PIEZO2: variants seen among roughly 807,000 people sequenced by gnomAD.
PIEZO2 encodes piezo type mechanosensitive ion channel component 2.
PIEZO2 carries 172 observed loss-of-function variants against 337.3 expected under a neutral mutation model. The observed-to-expected ratio is 0.51, with a 90% CI of 0.45 to 0.58. The LOEUF is 0.58. PIEZO2 is among the 20% of genes least tolerant of loss of function. PIEZO2 has a pLI of 0.00. For synonymous variants in PIEZO2, 1,251 were observed against 1,228.5 expected, an observed-to-expected ratio of 1.02 and a Z score of -0.38; for missense variants, 3,028 against 3,391.3, an observed-to-expected ratio of 0.89 and a Z score of 2.66.
intron 3 of PIEZO2, among the ~76,000 whole-genome samples, chr18:10,949,095 T>C (rs9952954): frequency 0.14 from 21,198 of 152,176 alleles, 2,486 homozygotes; most frequent in African/African-American, 0.31. Flanking sequence ...TGGTCATTTG[T>C]TGGTTAGTAG....
intron 30 of PIEZO2, among the ~76,000 whole-genome samples, chr18:10,744,963 C>T (rs2037364712): frequency 6.6e-6 from 1 of 152,224 alleles, no homozygotes; most frequent in Admixed American, 6.5e-5. Flanking sequence ...TCTGCAGAGC[C>T]CCCGCCTCCT....
chr18:11,082,874 A>G (rs559282481), intron 1 of PIEZO2, among the ~76,000 whole-genome samples: 12 of 152,184 alleles, frequency 7.9e-5, no homozygotes, highest in Admixed American at 5.2e-4. Context: ...CTCTCTCCAG[A>G]TTGTAATGAG....
intron 2 of PIEZO2, among the ~76,000 whole-genome samples, chr18:11,049,628 A>G (rs2037447249): frequency 6.6e-6 from 1 of 152,294 alleles, no homozygotes; most frequent in African/African-American, 2.4e-5. Flanking sequence ...GACGTGGTGG[A>G]AGGTAACTGA....
At chr18:10,761,767 G>A (rs951400041) in intron 23 of PIEZO2, among the ~76,000 whole-genome samples, 2 of 152,066 alleles carry the variant, frequency 1.3e-5, no homozygotes, top group Non-Finnish European at 2.9e-5. Context: ...AATCTAGAAG[G>A]TCCACAAAGA....
chr18:10,742,261 T>C (rs769708840), intron 32 of PIEZO2, among the ~76,000 whole-genome samples: 2 of 152,226 alleles, frequency 1.3e-5, no homozygotes, highest in Non-Finnish European at 2.9e-5. Flanking sequence ...ATGTATTTGT[T>C]AAAGCTATCT....
rs544653572 is a variant in PIEZO2 at position 10,894,305 on chromosome 18, A to AC, written c.329+16880dup. Among the ~76,000 whole-genome samples, 514 of 152,146 alleles carry AC rather than the reference A, an allele frequency of 3.4e-3. 3 individuals are homozygous for AC. The highest frequency in any genetic ancestry group is 0.012 in the African/African-American group (482 of 41,488). ...CCTCTGTACTAAAAATACAAAAAAA[A>AC]CAGCCAGGCGTGGTGGTGGACGCCT... On this transcript the variant is annotated intron_variant, in intron 4 of 55. Transcript: ENST00000674853. The surrounding 1 kb of genome is among the most constrained non-coding windows in gnomAD (Gnocchi z 4.1).
At chr18:10,983,175 C>A (rs975751590) in intron 2 of PIEZO2, among the ~76,000 whole-genome samples, 5 of 151,994 alleles carry the variant, frequency 3.3e-5, no homozygotes, top group Non-Finnish European at 7.4e-5. Flanking sequence ...GGAAAAAGGG[C>A]AGAAATGGTA....
intron 4 of PIEZO2, chr18:10,893,798 C>A (rs1438567976): frequency 6.6e-6 from 1 of 152,126 alleles, no homozygotes; most frequent in African/African-American, 2.4e-5. Flanking sequence ...TGAATTTCTG[C>A]TTTTAGCATT....
chr18:11,026,975 G>A lies in PIEZO2; in HGVS notation c.160+39152C>T, dbSNP rs144425913. 2.4e-3 allele frequency among the ~76,000 whole-genome samples: 368 copies of A among 152,272 alleles called. 1 individual carries two copies. The highest frequency in any genetic ancestry group is 8.5e-3 in the African/African-American group (353 of 41,544). ...TCACATCACTTGAACTAATGGGAGCGCTCGTCTCCAAGCTCTGCACAGCAC... is the reference window on the plus strand; with the variant it reads ...TCACATCACTTGAACTAATGGGAGCACTCGTCTCCAAGCTCTGCACAGCAC... On this transcript the variant is annotated intron_variant, in intron 2 of 55. Coordinates refer to ENST00000674853, the MANE Select transcript of PIEZO2 (RefSeq NM_001378183.1).
chr18:10,861,452 C>G lies in PIEZO2; in HGVS notation c.493-4241G>C, dbSNP rs1392402879. Among the ~76,000 whole-genome samples, 2 of 152,148 alleles carry G rather than the reference C, an allele frequency of 1.3e-5. No homozygotes were observed. Among genetic ancestry groups the G allele is most frequent in the South Asian group, 4.1e-4 (2 of 4,832 alleles). ...TAACAGGAAATCTTGTTATTTGCAACAACATGCATAAATCTAAAGAAGAAT... is the reference window on the plus strand; with the variant it reads ...TAACAGGAAATCTTGTTATTTGCAAGAACATGCATAAATCTAAAGAAGAAT... On this transcript the variant is annotated intron_variant, in intron 5 of 55. Transcript: ENST00000674853. This position sits in a 1 kb window ranked among gnomAD's most constrained non-coding sequence, Gnocchi z 4.3.
chr18:10,884,413 A>C (rs747881976), intron 4 of PIEZO2, among the ~76,000 whole-genome samples: 3 of 152,022 alleles, frequency 2.0e-5, no homozygotes, highest in Non-Finnish European at 4.4e-5. Flanking sequence ...TCCTCCTCCA[A>C]CCCTAGTTAT....
At chr18:10,836,177 C>T (rs1301781481) in intron 7 of PIEZO2, among the ~76,000 whole-genome samples, 1 of 152,086 alleles carries the variant, frequency 6.6e-6, no homozygotes, top group African/African-American at 2.4e-5. Context: ...CCCTTATCTC[C>T]TATTTAAGAG....
chr18:11,039,198 C>T (rs1218981689), intron 2 of PIEZO2, among the ~76,000 whole-genome samples: 5 of 152,250 alleles, frequency 3.3e-5, no homozygotes, highest in South Asian at 2.1e-4. Flanking sequence ...AAATCCCTCC[C>T]GCAATGCTGG....
At chr18:10,880,846 CATATATA>C (rs2042392097) in intron 4 of PIEZO2, among the ~76,000 whole-genome samples, 1 of 68,064 alleles carries the variant, frequency 1.5e-5, no homozygotes, top group Non-Finnish European at 2.8e-5. Context: ...TCCCACATAT[CATATATA>C]TATATATATA....
intron 39 of PIEZO2, 84 bp downstream of exon 39, chr18:10,714,680 C>A (rs765931124): frequency 6.9e-7 from 1 of 1,447,774 alleles, no homozygotes; most frequent in Middle Eastern, 1.8e-4. Flanking sequence ...GAACTTTCAC[C>A]TCACACATTC....
rs1598967518 is a variant in PIEZO2 at position 11,105,945 on chromosome 18, T to A, written c.65-39723A>T. On this transcript the variant is annotated intron_variant, in intron 1 of 55. Transcript: ENST00000674853. The surrounding 1 kb of genome is among the most constrained non-coding windows in gnomAD (Gnocchi z 4.3). Reference sequence around the variant, plus strand: ...TCATTCCAAGGGTTTCTCTGTTTATTTGAAATGTTCAGCTTTCACTTTTTG... The same window carrying A: ...TCATTCCAAGGGTTTCTCTGTTTATATGAAATGTTCAGCTTTCACTTTTTG... Among the ~76,000 whole-genome samples the A allele has an allele frequency of 6.6e-6, 1 of 152,186 alleles. No individual in the cohort carries two copies. Among genetic ancestry groups the A allele is most frequent in the African/African-American group, 2.4e-5 (1 of 41,452 alleles).
intron 3 of PIEZO2, among the ~76,000 whole-genome samples, chr18:10,933,955 T>C (rs1358959517): frequency 6.6e-6 from 1 of 152,216 alleles, no homozygotes; most frequent in Non-Finnish European, 1.5e-5. Flanking sequence ...TTGTGAGGCA[T>C]CCCCAGCCAT....
In PIEZO2 at chr18:10,821,930, ATT is replaced by A. The variant is rs2040532159; in HGVS notation, c.918-14658_918-14657del. On this transcript the variant is annotated intron_variant, in intron 7 of 55. Transcript: ENST00000674853. The surrounding 1 kb of genome is among the most constrained non-coding windows in gnomAD (Gnocchi z 4.2). ...TACAAATGCAATAGTGCTAGTATAAATTTGTCAGAGAAAATCAAAGTTACACA... is the reference window on the plus strand; with the variant it reads ...TACAAATGCAATAGTGCTAGTATAAATGTCAGAGAAAATCAAAGTTACACA... 6.6e-6 allele frequency among the ~76,000 whole-genome samples: 1 copy of A among 152,222 alleles called. No homozygotes were observed. The highest frequency in any genetic ancestry group is 2.4e-5 in the African/African-American group (1 of 41,454).
In PIEZO2 at chr18:10,856,038, T is replaced by C. The variant is rs575424311; in HGVS notation, c.704-472A>G. 2.6e-5 allele frequency among the ~76,000 whole-genome samples: 4 copies of C among 152,232 alleles called. No homozygotes were observed. The highest frequency in any genetic ancestry group is 1.9e-4 in the East Asian group (1 of 5,186). On this transcript the variant is annotated intron_variant, in intron 6 of 55. Transcript: ENST00000674853. This position sits in a 1 kb window ranked among gnomAD's most constrained non-coding sequence, Gnocchi z 4.7. Reference sequence around the variant, plus strand: ...AATTAAACTCTCACTGTGCCATGCTTATTTTATTTTATTTTGTTTTGTTTT... The same window carrying C: ...AATTAAACTCTCACTGTGCCATGCTCATTTTATTTTATTTTGTTTTGTTTT...
Sources: gnomAD v4.1 joint callset for allele counts (sites outside exome capture counted in the v4.1 genomes callset) on GRCh38, gnomAD v4.1.1 for gene constraint, Gnocchi (gnomAD v3.1) non-coding constraint, MANE v1.5 for transcripts, NCBI Gene and HGNC (gene_info 2026-07-23, HGNC 2026-07-21) for gene names.